Variants in SUV39H2 observed in about 807,000 individuals in gnomAD.
SUV39H2 encodes histone-lysine N-methyltransferase SUV39H2.
Under a neutral mutation model 47.5 loss-of-function variants are expected in SUV39H2, and 10 were observed. The ratio of observed to expected loss-of-function variants is 0.21; its 90% CI spans 0.13 to 0.36. The LOEUF is 0.36. Among genes scored for constraint, SUV39H2 ranks in the 10% least tolerant of loss-of-function variants. SUV39H2 has a pLI of 1.00. For missense variants in SUV39H2, 266 were observed against 487.4 expected (o/e 0.55, Z 4.28); for synonymous variants, 159 against 166.8 (o/e 0.95, Z 0.36).
intron 4 of SUV39H2, 77 bp downstream of exon 4, chr10:14,899,762 C>T (rs1244219163): frequency 6.7e-7 from 1 of 1,498,972 alleles, no homozygotes; most frequent in African/African-American, 1.4e-5. Context: ...AAGAATAATT[C>T]CCTTTAAACT....
intron 3 of SUV39H2, chr10:14,899,170 C>T (rs1240243337): frequency 1.4e-6 from 1 of 699,690 alleles, no homozygotes; most frequent in Admixed American, 2.0e-5. Flanking sequence ...AAAACTAAAT[C>T]ATTAGCTGGG....
chr10:14,890,462 G>C (rs1234659239), intron 2 of SUV39H2, among the ~76,000 whole-genome samples: 4 of 152,156 alleles, frequency 2.6e-5, no homozygotes, highest in African/African-American at 9.7e-5. Flanking sequence ...GCCTGATCTT[G>C]GCTCACTGCA....
intron 2 of SUV39H2, among the ~76,000 whole-genome samples, chr10:14,882,722 T>A (rs1833075183): frequency 6.6e-6 from 1 of 152,198 alleles, no homozygotes. Flanking sequence ...CATTTTCTGC[T>A]GAAGACCTCC....
intron 2 of SUV39H2, among the ~76,000 whole-genome samples, chr10:14,895,889 A>ACAAAG (rs1833571672): frequency 6.6e-6 from 1 of 151,732 alleles, no homozygotes; most frequent in Non-Finnish European, 1.5e-5. Context: ...TTTGTATGAT[A>ACAAAG]CAAAGTCTTC....
In SUV39H2 at chr10:14,885,940, A is replaced by G. The variant is rs563551376; in HGVS notation, c.177+4295A>G. On this transcript the variant is annotated intron_variant, in intron 2 of 5. Transcript: ENST00000354919. ...TTCAAGCCTTGCTTTAGACCTTTTC[A>G]TGGTTCCCTATTTAACAGTCTCATC... Among the ~76,000 whole-genome samples the G allele has an allele frequency of 2.6e-5, 4 of 152,252 alleles. No individual in the cohort carries two copies. In the South Asian group the frequency reaches 6.2e-4, roughly 24 times the overall value.
chr10:14,890,377 G>C (rs1228208886), intron 2 of SUV39H2, among the ~76,000 whole-genome samples: 1 of 152,258 alleles, frequency 6.6e-6, no homozygotes, highest in Non-Finnish European at 1.5e-5. Context: ...GGAACCACTG[G>C]TGTTTTCATA....
rs186179481 is a variant in SUV39H2, at chr10:14,888,390, C to G, written c.177+6745C>G. 2.4e-3 allele frequency among the ~76,000 whole-genome samples: 359 copies of G among 152,110 alleles called. 1 individual carries two copies. Among genetic ancestry groups the G allele is most frequent in the African/African-American group, 8.2e-3 (341 of 41,508 alleles). ...GTGGCTCACACCTGTAATCCCAGCA[C>G]TTTGGGAGGCCGAGGCGGGCAGATC... On this transcript the variant is annotated intron_variant, in intron 2 of 5. Coordinates refer to ENST00000354919, the MANE Select transcript of SUV39H2 (RefSeq NM_001193424.2).
Position 14,897,363 on chromosome 10 carries a change from G to T in SUV39H2, c.695G>T (p.Arg232Met). The change falls in exon 3 of 6, where the codon AGG becomes ATG. Residue 232 changes from arginine (R) to methionine (M), a missense_variant. Around this residue, in one of 4 missense-constraint regions of SUV39H2, gnomAD observed 112 missense variants for 271.9 expected, o/e 0.41. Coordinates refer to ENST00000354919, the MANE Select transcript of SUV39H2 (RefSeq NM_001193424.2). ...ACTCCCATCTATGAATGCAACTCAA[G>T]GTGTCAGTGTGGTCCTGATTGTCCC... The part of the protein sequence containing the change: ...PGTPIYECNS[R>M]CQCGPDCPNR... The T allele has an allele frequency of 3.7e-6, 6 of 1,612,990 alleles. No homozygotes were observed. The highest frequency in any genetic ancestry group is 4.2e-6 in the Non-Finnish European group (5 of 1,179,856).
Position 14,902,592 on chromosome 10 carries a change from C to T in SUV39H2, c.*80C>T. The T allele has an allele frequency of 1.2e-6, 1 of 869,016 alleles. No individual in the cohort carries two copies. Among genetic ancestry groups the T allele is most frequent in the Non-Finnish European group, 1.7e-6 (1 of 591,032 alleles). The allele number at this position is 869,016 out of a possible 1,614,324, so 53.8% of individuals were successfully genotyped here. A position where few individuals can be genotyped will look rare whatever the true frequency, so the allele number is the denominator to read the frequency against. ...TTTTTAAAAATACATATTTGGGACT[C>T]TTATTATCAAGGTTCTACCTATGTT... On this transcript the variant is annotated 3_prime_UTR_variant, in exon 6 of 6. Transcript: ENST00000354919.
intron 2 of SUV39H2, among the ~76,000 whole-genome samples, chr10:14,889,635 C>T (rs1833324138): frequency 6.6e-6 from 1 of 152,164 alleles, no homozygotes. Flanking sequence ...TCCATTTTCT[C>T]TTTGCATTAG....
At chr10:14,894,575 G>A (rs1479967660) in intron 2 of SUV39H2, among the ~76,000 whole-genome samples, 1 of 61,306 alleles carries the variant, frequency 1.6e-5, no homozygotes, top group Non-Finnish European at 2.7e-5. Flanking sequence ...CACCGTGTTA[G>A]CCAAGATGGT....
At chr10:14,883,863 C>G (rs1588834396) in intron 2 of SUV39H2, among the ~76,000 whole-genome samples, 3 of 152,168 alleles carry the variant, frequency 2.0e-5, no homozygotes, top group South Asian at 4.1e-4. Context: ...CTACCTCCAG[C>G]CGTAGGGCAG....
intron 1 of SUV39H2, among the ~76,000 whole-genome samples, chr10:14,881,252 G>A (rs1023406515): frequency 6.6e-6 from 1 of 152,132 alleles, no homozygotes; most frequent in Non-Finnish European, 1.5e-5. Flanking sequence ...TGACTTAATG[G>A]AAATTAACTG....
intron 1 of SUV39H2, chr10:14,879,159 A>AGTGGAGCGTGGCCTCTCCGCC: frequency 8.3e-7 from 1 of 1,206,604 alleles, no homozygotes; most frequent in Non-Finnish European, 1.0e-6. Context: ...GGCACTTCGG[A>AGTGGAGCGTGGCCTCTCCGCC]AGTGGAGCGT....
chr10:14,883,704 CAAAAAAAAAAAAAA>C (rs58522342), intron 2 of SUV39H2, among the ~76,000 whole-genome samples: 4 of 50,060 alleles, frequency 8.0e-5, no homozygotes, highest in African/African-American at 1.4e-4. Flanking sequence ...GACTCAGTCT[CAAAAAAAAAAAAAA>C]AAAAAAAAAA....
At chr10:14,901,351 A>G in intron 5 of SUV39H2, 89 bp downstream of exon 5, 5 of 1,527,114 alleles carry the variant, frequency 3.3e-6, no homozygotes, top group Non-Finnish European at 4.5e-6. Flanking sequence ...ATTTGAACCA[A>G]ACCTAATACT....
intron 4 of SUV39H2, among the ~76,000 whole-genome samples, 195 bp downstream of exon 4, chr10:14,899,880 C>G (rs1189014228): frequency 6.6e-6 from 1 of 152,114 alleles, no homozygotes; most frequent in Non-Finnish European, 1.5e-5. Context: ...AGGTGCCTAC[C>G]AAATATTAAT....
intron 4 of SUV39H2, among the ~76,000 whole-genome samples, chr10:14,900,837 G>GA (rs1049786689): frequency 3.4e-5 from 5 of 148,482 alleles, no homozygotes; most frequent in East Asian, 3.9e-4. Context: ...AATTCTCCAG[G>GA]AAAAAAAAAA....
chr10:14,884,010 C>A (rs1231783171), intron 2 of SUV39H2, among the ~76,000 whole-genome samples: 1 of 152,222 alleles, frequency 6.6e-6, no homozygotes, highest in Non-Finnish European at 1.5e-5. Context: ...TATATCAATA[C>A]TTCATTCCTT....
Sources: allele counts gnomAD v4.1 joint callset (sites outside exome capture counted in the v4.1 genomes callset), GRCh38; gene constraint gnomAD v4.1.1; regional missense constraint gnomAD v4.1.1; transcripts MANE v1.5; gene names NCBI Gene and HGNC (gene_info 2026-07-23, HGNC 2026-07-21).